The following ABCB1 variants were observed in gnomAD, a reference collection of about 807,000 sequenced individuals.
ABCB1 encodes the protein ATP binding cassette subfamily B member 1.
A neutral mutation model predicts 142.0 loss-of-function variants in ABCB1; 69 were observed. The observed-to-expected ratio is 0.49, with a 90% CI of 0.40 to 0.59. ABCB1 has a LOEUF of 0.59. Among genes scored for constraint, ABCB1 ranks in the 20% least tolerant of loss-of-function variants. The pLI is 0.00. For missense variants in ABCB1, 1,326 were observed against 1,554.7 expected, an observed-to-expected ratio of 0.85 and a Z score of 2.47; for synonymous variants, 532 against 539.2, an observed-to-expected ratio of 0.99 and a Z score of 0.18.
chr7:87,528,636 T>G (rs1023899855), intron 21 of ABCB1, among the ~76,000 whole-genome samples: 7 of 152,096 alleles, frequency 4.6e-5, no homozygotes, highest in African/African-American at 1.7e-4. Flanking sequence ...ACAGGCAGGG[T>G]AGAGGTTATG....
intron 1 of ABCB1, among the ~76,000 whole-genome samples, chr7:87,651,184 A>G (rs910576689): frequency 2.0e-5 from 3 of 152,196 alleles, no homozygotes; most frequent in South Asian, 4.1e-4. Flanking sequence ...ATAAGTAATT[A>G]AAATAAAAGC....
intron 1 of ABCB1, among the ~76,000 whole-genome samples, chr7:87,690,321 A>T (rs1300474626): frequency 6.6e-6 from 1 of 152,134 alleles, no homozygotes; most frequent in African/African-American, 2.4e-5. Flanking sequence ...TTATTTTATT[A>T]AACTGTTTTT....
chr7:87,627,640 G>A (rs1820745934), intron 1 of ABCB1: 1 of 152,266 alleles, frequency 6.6e-6, no homozygotes, highest in South Asian at 2.1e-4. Flanking sequence ...TCTAGGAAGG[G>A]GGCGCTTCCG....
chr7:87,540,084 G>GT (rs1278465915), intron 18 of ABCB1, among the ~76,000 whole-genome samples: 1 of 152,248 alleles, frequency 6.6e-6, no homozygotes, highest in African/African-American at 2.4e-5. Context: ...AATTCAGTCT[G>GT]TTTTTTCTTT....
chr7:87,550,687 C>A (rs753203030), intron 10 of ABCB1, 38 bp downstream of exon 10: 1 of 1,563,292 alleles, frequency 6.4e-7, no homozygotes. Context: ...ACTGGACAAT[C>A]TTTTAGATAG....
At chr7:87,613,485 T>A (rs1362579897) in intron 1 of ABCB1, among the ~76,000 whole-genome samples, 1 of 151,968 alleles carries the variant, frequency 6.6e-6, no homozygotes, top group African/African-American at 2.4e-5. Context: ...AATGGTGGAC[T>A]GAATAAAGAA....
chr7:87,587,357 C>T (rs1818801829), intron 3 of ABCB1, among the ~76,000 whole-genome samples: 1 of 152,188 alleles, frequency 6.6e-6, no homozygotes, highest in African/African-American at 2.4e-5. Flanking sequence ...TAGACATTTA[C>T]TGAATGCCTA....
intron 1 of ABCB1, among the ~76,000 whole-genome samples, chr7:87,662,705 T>A (rs894503105): frequency 2.0e-5 from 3 of 152,174 alleles, no homozygotes; most frequent in African/African-American, 7.2e-5. Context: ...CAGTTTTGTT[T>A]CTTTTGCTCA....
intron 1 of ABCB1, among the ~76,000 whole-genome samples, chr7:87,678,866 G>A (rs1826635543): frequency 6.6e-6 from 1 of 152,080 alleles, no homozygotes; most frequent in Non-Finnish European, 1.5e-5. Context: ...AGATTAATTT[G>A]CCAAGAAGAC....
intron 3 of ABCB1, among the ~76,000 whole-genome samples, chr7:87,586,525 G>A (rs778962172): frequency 3.9e-5 from 6 of 152,146 alleles, no homozygotes; most frequent in Non-Finnish European, 7.3e-5. Context: ...TAAATCCCAG[G>A]GCAGAAGGTT....
At chr7:87,578,192 T>C (rs893160319) in intron 4 of ABCB1, among the ~76,000 whole-genome samples, 2 of 152,222 alleles carry the variant, frequency 1.3e-5, no homozygotes, top group African/African-American at 4.8e-5. Context: ...TTCCCCAATA[T>C]ACATTCTTAG....
At chr7:87,517,650 A>G (rs1273241997) in intron 23 of ABCB1, among the ~76,000 whole-genome samples, 1 of 152,248 alleles carries the variant, frequency 6.6e-6, no homozygotes, top group Non-Finnish European at 1.5e-5. Context: ...GGATACAGTC[A>G]GTGATGTTGG....
chr7:87,693,000 C>T (rs983923160), intron 1 of ABCB1, among the ~76,000 whole-genome samples: 1 of 152,044 alleles, frequency 6.6e-6, no homozygotes, highest in African/African-American at 2.4e-5. Flanking sequence ...ACATTACTAG[C>T]TCTATGTGTT....
At chr7:87,637,681 A>G (rs1011632313) in intron 1 of ABCB1, among the ~76,000 whole-genome samples, 88 of 152,202 alleles carry the variant, frequency 5.8e-4, no homozygotes, top group Middle Eastern at 3.4e-3. Context: ...TATTATGGTA[A>G]CTGAAATCAT....
intron 20 of ABCB1, among the ~76,000 whole-genome samples, chr7:87,535,799 A>G (rs956564521): frequency 6.6e-6 from 1 of 152,228 alleles, no homozygotes; most frequent in Non-Finnish European, 1.5e-5. Context: ...AGGGGAAAAG[A>G]CACACCAGAG....
intron 9 of ABCB1, among the ~76,000 whole-genome samples, chr7:87,553,183 T>C (rs1817154994): frequency 6.6e-6 from 1 of 152,076 alleles, no homozygotes; most frequent in African/African-American, 2.4e-5. Context: ...TCTCAACAAA[T>C]AAAAGTTCAT....
chr7:87,665,976 CTT>C (rs1825194165), intron 1 of ABCB1, among the ~76,000 whole-genome samples: 1 of 151,934 alleles, frequency 6.6e-6, no homozygotes, highest in Non-Finnish European at 1.5e-5. Flanking sequence ...GGTAGAATGA[CTT>C]ATATTCCTCT....
intron 1 of ABCB1, among the ~76,000 whole-genome samples, chr7:87,677,571 T>C (rs1041321022): frequency 1.3e-5 from 2 of 152,096 alleles, no homozygotes; most frequent in African/African-American, 4.8e-5. Context: ...CCTTCAGTTA[T>C]AAGATGATTA....
chr7:87,544,850 G>C lies in ABCB1; in HGVS notation c.2037C>G (p.Asp679Glu), dbSNP rs59340265. The C allele has an allele frequency of 1.2e-6, 2 of 1,614,030 alleles. No homozygotes were observed. Among genetic ancestry groups the C allele is most frequent in the East Asian group, 2.2e-5 (1 of 44,864 alleles). ...RRSVRGSQAQ[D>E]RKLSTKEALD... The stretch of plus-strand genomic sequence containing the variant: ...GAGCCTCTTTGGTACTAAGCTTTCT[G>C]TCTTGGGCTTGTGATCCACGGACAC... Residue 679 changes from aspartate (D) to glutamate (E), a missense_variant, in exon 16 of 28, where the codon GAC (aspartate) becomes GAG (glutamate). Physicochemically the swap from Asp to Glu is conservative, Grantham distance 45. Transcript: ENST00000622132.
Sources: gnomAD v4.1 joint callset for allele counts (sites outside exome capture counted in the v4.1 genomes callset) on GRCh38, gnomAD v4.1.1 for gene constraint, MANE v1.5 for transcripts, NCBI Gene and HGNC (gene_info 2026-07-23, HGNC 2026-07-21) for gene names.